NKAIN3: variants seen among roughly 807,000 people sequenced by gnomAD.
The protein encoded by NKAIN3 is sodium/potassium-transporting ATPase subunit beta-1-interacting protein 3.
In NKAIN3, 25 loss-of-function variants were observed where a neutral mutation model predicts 30.2. That is an observed-to-expected ratio of 0.83 (90% CI 0.60 to 1.16). The LOEUF is 1.16. Among genes scored for constraint, NKAIN3 ranks in the 50% most tolerant of loss-of-function variants. The pLI, the probability that NKAIN3 is intolerant of heterozygous loss-of-function variation, is 0.00. For missense variants in NKAIN3, 225 were observed against 254.1 expected, an observed-to-expected ratio of 0.89 and a Z score of 0.78; for synonymous variants, 91 against 89.6, an observed-to-expected ratio of 1.02 and a Z score of -0.09.
chr8:62,952,985 A>C (rs1439384560), intron 5 of NKAIN3, among the ~76,000 whole-genome samples: 1 of 152,164 alleles, frequency 6.6e-6, no homozygotes, highest in Non-Finnish European at 1.5e-5. Context: ...AGAATCATAA[A>C]TAGATACTAT....
At chr8:62,488,509 C>CTAG (rs1391099488) in intron 1 of NKAIN3, among the ~76,000 whole-genome samples, 2 of 152,114 alleles carry the variant, frequency 1.3e-5, no homozygotes, top group African/African-American at 2.4e-5. Flanking sequence ...TCCCTATTGC[C>CTAG]TAGCTGAATG....
At chr8:62,786,656 A>G (rs536138330) in intron 4 of NKAIN3, among the ~76,000 whole-genome samples, 16 of 152,320 alleles carry the variant, frequency 1.1e-4, no homozygotes, top group African/African-American at 3.8e-4. Context: ...GCAGTTTTGC[A>G]TTAGAATGCA....
rs561250024 is a variant in NKAIN3, at chr8:62,968,235, A to T, written c.*2828A>T. ...GCTTCTGTAAGACAAAGGGAAAAAA[A>T]GAAGTGCAGAGTTGTACAGTAATAC... is the stretch of plus-strand genomic sequence containing the variant. On this transcript the variant is annotated 3_prime_UTR_variant, in exon 7 of 7. Coordinates refer to ENST00000623646, the MANE Select transcript of NKAIN3 (RefSeq NM_001304533.3). Among the ~76,000 whole-genome samples, 2 of 152,162 alleles carry T rather than the reference A, an allele frequency of 1.3e-5. No individual in the cohort carries two copies. Among genetic ancestry groups the T allele is most frequent in the South Asian group, 4.1e-4 (2 of 4,822 alleles).
At position 62,257,430 on chromosome 8, in the gene NKAIN3, G is replaced by A. The variant is rs142424949; in HGVS notation, c.54+8303G>A. On this transcript the variant is annotated intron_variant, in intron 1 of 6. Transcript: ENST00000623646. ...ACCTAATTTGTTTTTAATTCTTTAG[G>A]TTGAAACCTCCTTTCCCAAATTCCC... is the stretch of plus-strand genomic sequence containing the variant. 6.7e-3 allele frequency among the ~76,000 whole-genome samples: 1,021 copies of A among 151,876 alleles called. 31 individuals are homozygous for A. Among genetic ancestry groups the A allele is most frequent in the Admixed American group, 0.053 (802 of 15,246 alleles).
intron 1 of NKAIN3, among the ~76,000 whole-genome samples, chr8:62,277,761 ATTTTCTGAGG>A (rs917681880): frequency 1.3e-5 from 2 of 152,106 alleles, no homozygotes; most frequent in Admixed American, 1.3e-4. Flanking sequence ...TCCACTTTTA[ATTTTCTGAGG>A]ACTTCTGCTT....
rs1313252298 is a variant in NKAIN3, at chr8:62,529,440, C to T, written c.55-50099C>T. ...CAGACATTGAAATCCTAACAACGAACGTGATAGTGCTAAGGGAGCAGGCCT... is the reference window on the plus strand; with the variant it reads ...CAGACATTGAAATCCTAACAACGAATGTGATAGTGCTAAGGGAGCAGGCCT... On this transcript the variant is annotated intron_variant, in intron 1 of 6. Transcript: ENST00000623646. Among the ~76,000 whole-genome samples, 4 of 152,096 alleles carry T rather than the reference C, an allele frequency of 2.6e-5. No homozygotes were observed. In the East Asian group the frequency reaches 5.8e-4, roughly 22 times the overall value.
intron 5 of NKAIN3, among the ~76,000 whole-genome samples, chr8:62,947,938 G>A (rs531419414): frequency 4.5e-4 from 68 of 152,350 alleles, no homozygotes; most frequent in African/African-American, 1.6e-3. Flanking sequence ...GCTCAGACGT[G>A]CCAATACATG....
chr8:62,594,960 A>G (rs974199080), intron 3 of NKAIN3, among the ~76,000 whole-genome samples: 1 of 151,940 alleles, frequency 6.6e-6, no homozygotes, highest in Non-Finnish European at 1.5e-5. Context: ...TAGAAAGACA[A>G]GAAGAAACAC....
intron 4 of NKAIN3, among the ~76,000 whole-genome samples, chr8:62,817,261 T>A (rs1322096570): frequency 2.0e-5 from 3 of 152,176 alleles, no homozygotes; most frequent in African/African-American, 7.2e-5. Context: ...CAGTTTAAAG[T>A]TCTTGTCACA....
intron 1 of NKAIN3, among the ~76,000 whole-genome samples, chr8:62,292,089 G>A (rs557047882): frequency 6.6e-6 from 1 of 151,906 alleles, no homozygotes; most frequent in African/African-American, 2.4e-5. Context: ...CCATTTGCTT[G>A]GTAGATCTTC....
At chr8:62,688,481 T>C (rs1032011804) in intron 3 of NKAIN3, among the ~76,000 whole-genome samples, 2 of 152,216 alleles carry the variant, frequency 1.3e-5, no homozygotes, top group African/African-American at 2.4e-5. Context: ...ACTCATTCAT[T>C]CATTTATTCA....
chr8:62,642,939 A>C (rs1812352345), intron 3 of NKAIN3, among the ~76,000 whole-genome samples: 1 of 152,162 alleles, frequency 6.6e-6, no homozygotes, highest in African/African-American at 2.4e-5. Flanking sequence ...TATTGGAACT[A>C]TCTGAAATTT....
intron 1 of NKAIN3, among the ~76,000 whole-genome samples, chr8:62,284,275 C>A (rs1813297961): frequency 6.6e-6 from 1 of 152,058 alleles, no homozygotes; most frequent in South Asian, 2.1e-4. Flanking sequence ...TACGGGGAGA[C>A]AGTGGTGGCT....
intron 1 of NKAIN3, among the ~76,000 whole-genome samples, chr8:62,381,479 G>T (rs922618095): frequency 2.0e-5 from 3 of 152,040 alleles, no homozygotes; most frequent in African/African-American, 7.3e-5. Context: ...TGTTTGACTA[G>T]ATGGTACTTC....
At chr8:62,290,411 C>T (rs891442375) in intron 1 of NKAIN3, among the ~76,000 whole-genome samples, 3 of 152,082 alleles carry the variant, frequency 2.0e-5, no homozygotes, top group Non-Finnish European at 2.9e-5. Flanking sequence ...TTTTGAGATA[C>T]GTCCCAGCGA....
intron 3 of NKAIN3, among the ~76,000 whole-genome samples, chr8:62,689,186 T>C (rs1234464225): frequency 6.6e-6 from 1 of 152,240 alleles, no homozygotes; most frequent in Non-Finnish European, 1.5e-5. Flanking sequence ...AAGTTTCTCC[T>C]CATCACTAGA....
chr8:62,823,737 T>C (rs1818928771), intron 4 of NKAIN3, among the ~76,000 whole-genome samples: 2 of 152,138 alleles, frequency 1.3e-5, no homozygotes. Flanking sequence ...GCAATAATTT[T>C]CTGACAGATG....
chr8:62,388,643 G>GT lies in NKAIN3; in HGVS notation c.54+139522dup, dbSNP rs142560856. 6.6e-3 allele frequency among the ~76,000 whole-genome samples: 1,005 copies of GT among 152,268 alleles called. 8 individuals carry two copies. The highest frequency in any genetic ancestry group is 0.024 in the East Asian group (124 of 5,184). ...GATCTAAAACGACCATGTTTAAATG[G>GT]TTTTTTAAAACATCCATCAAAGTTG... On this transcript the variant is annotated intron_variant, in intron 1 of 6. Transcript: ENST00000623646.
intron 1 of NKAIN3, among the ~76,000 whole-genome samples, chr8:62,276,240 AT>A (rs928136254): frequency 6.6e-6 from 1 of 151,840 alleles, no homozygotes; most frequent in African/African-American, 2.4e-5. Flanking sequence ...TAATTTTTAT[AT>A]TTTTAGTAGA....
Sources: gnomAD v4.1 joint callset for allele counts (sites outside exome capture counted in the v4.1 genomes callset) on GRCh38, gnomAD v4.1.1 for gene constraint, MANE v1.5 for transcripts, NCBI Gene and HGNC (gene_info 2026-07-23, HGNC 2026-07-21) for gene names.